Variants in TUSC3 observed in about 807,000 individuals in gnomAD.
The protein encoded by TUSC3 is tumor suppressor candidate 3.
A neutral mutation model predicts 44.8 loss-of-function variants in TUSC3; 45 were observed. That is an observed-to-expected ratio of 1.00 (90% CI 0.79 to 1.29). The LOEUF is 1.29. TUSC3 is among the 50% of genes most tolerant of loss of function. TUSC3 has a pLI of 0.00. For missense variants in TUSC3, 519 were observed against 437.9 expected, an observed-to-expected ratio of 1.19 and a Z score of -1.65; for synonymous variants, 212 against 152.9, an observed-to-expected ratio of 1.39 and a Z score of -2.85.
chr8:15,844,048 T>C, the TUSC3 span, among the ~76,000 whole-genome samples: 2 of 152,152 alleles, frequency 1.3e-5, no homozygotes, highest in African/African-American at 4.8e-5. Context: ...AATCTGTAAG[T>C]TTATGACCTT....
intron 6 of TUSC3, among the ~76,000 whole-genome samples, chr8:15,690,714 A>G (rs954755633): frequency 5.9e-5 from 9 of 152,290 alleles, no homozygotes; most frequent in African/African-American, 2.2e-4. Context: ...AGTCATCTGC[A>G]TATGGCTAGC....
intron 2 of TUSC3, among the ~76,000 whole-genome samples, chr8:15,510,187 A>G (rs963536228): frequency 1.3e-5 from 2 of 152,194 alleles, no homozygotes; most frequent in East Asian, 1.9e-4. Context: ...GCAAATCTTG[A>G]AAATGAAAAG....
chr8:15,549,668 A>G (rs910115144), intron 1 of TUSC3, among the ~76,000 whole-genome samples: 3 of 151,622 alleles, frequency 2.0e-5, no homozygotes, highest in Non-Finnish European at 4.4e-5. Flanking sequence ...GGAAGGGAGA[A>G]TGCTGATTGG....
intron 6 of TUSC3, among the ~76,000 whole-genome samples, chr8:15,686,027 G>A (rs1020320432): frequency 1.3e-5 from 2 of 151,982 alleles, no homozygotes; most frequent in Admixed American, 1.3e-4. Flanking sequence ...AATAGTGCAG[G>A]CAGTGTGATG....
intron 2 of TUSC3, among the ~76,000 whole-genome samples, chr8:15,485,969 T>C (rs1348645464): frequency 1.3e-5 from 2 of 152,066 alleles, no homozygotes; most frequent in Non-Finnish European, 2.9e-5. Flanking sequence ...TTTTTTTGTA[T>C]ATTTAGTAGA....
At chr8:15,435,133 C>G (rs549711403) in intron 1 of TUSC3, among the ~76,000 whole-genome samples, 30 of 149,638 alleles carry the variant, frequency 2.0e-4, no homozygotes, top group Non-Finnish European at 3.8e-4. Context: ...AATGGTTGAA[C>G]TAGTTTACAG....
At chr8:15,603,694 A>G (rs151291275) in intron 1 of TUSC3, among the ~76,000 whole-genome samples, 175 of 151,750 alleles carry the variant, frequency 1.2e-3, no homozygotes, top group South Asian at 6.2e-3. Context: ...GATGAACATG[A>G]ACTGTGTCTT....
At chr8:15,808,687 A>T in the TUSC3 span, among the ~76,000 whole-genome samples, 1 of 152,072 alleles carries the variant, frequency 6.6e-6, no homozygotes, top group Non-Finnish European at 1.5e-5. Context: ...GTAGCAGGCA[A>T]TTTGCCCAGT....
At chr8:15,810,439 A>G in the TUSC3 span, among the ~76,000 whole-genome samples, 1 of 151,820 alleles carries the variant, frequency 6.6e-6, no homozygotes, top group Non-Finnish European at 1.5e-5. Flanking sequence ...GGAGTTTGAG[A>G]GCAGCCTGGG....
At chr8:15,822,173 C>T in the TUSC3 span, among the ~76,000 whole-genome samples, 3 of 149,214 alleles carry the variant, frequency 2.0e-5, no homozygotes, top group African/African-American at 5.0e-5. Flanking sequence ...AAATTGAAAA[C>T]GCTACAAATA....
chr8:15,514,620 G>A (rs949833733), intron 2 of TUSC3, among the ~76,000 whole-genome samples: 1 of 152,054 alleles, frequency 6.6e-6, no homozygotes, highest in East Asian at 1.9e-4. Context: ...GTGTTGTTTT[G>A]GTTTGGCTTT....
At chr8:15,772,910 G>A in the TUSC3 span, among the ~76,000 whole-genome samples, 8 of 144,034 alleles carry the variant, frequency 5.6e-5, no homozygotes, top group African/African-American at 2.1e-4. Context: ...CTTACATAAT[G>A]ATGTAGTTGA....
At chr8:15,499,102 C>A (rs1196246400) in intron 2 of TUSC3, among the ~76,000 whole-genome samples, 1 of 152,184 alleles carries the variant, frequency 6.6e-6, no homozygotes, top group East Asian at 1.9e-4. Context: ...TCACCCACTA[C>A]TTTTCATGGT....
intron 6 of TUSC3, among the ~76,000 whole-genome samples, chr8:15,700,242 A>G (rs1218853758): frequency 1.3e-5 from 2 of 152,180 alleles, no homozygotes; most frequent in Non-Finnish European, 1.5e-5. Flanking sequence ...ACTTCAAGTC[A>G]TTTATTTAAT....
intron 1 of TUSC3, among the ~76,000 whole-genome samples, chr8:15,446,066 A>G (rs1800093285): frequency 6.7e-6 from 1 of 148,382 alleles, no homozygotes; most frequent in Non-Finnish European, 1.5e-5. Context: ...GGTGGGGCAG[A>G]GACGCTCCTC....
chr8:15,725,900 A>G (rs1316251472), intron 6 of TUSC3, among the ~76,000 whole-genome samples: 9 of 152,098 alleles, frequency 5.9e-5, no homozygotes, highest in Non-Finnish European at 1.5e-5. Context: ...TGAGGCCCAA[A>G]TTACTGAACT....
At chr8:15,788,505 C>T in the TUSC3 span, among the ~76,000 whole-genome samples, 1 of 149,852 alleles carries the variant, frequency 6.7e-6, no homozygotes, top group East Asian at 2.0e-4. Flanking sequence ...CGAGATTGTG[C>T]CACTGCACTC....
intron 1 of TUSC3, among the ~76,000 whole-genome samples, chr8:15,543,373 A>G (rs534127668): frequency 8.1e-4 from 124 of 152,276 alleles, no homozygotes; most frequent in Admixed American, 1.4e-3. Context: ...GATTTAAAGG[A>G]AGTAATATTT....
the TUSC3 span, among the ~76,000 whole-genome samples, chr8:15,817,504 C>T: frequency 0.018 from 2,719 of 152,184 alleles, 41 homozygotes; most frequent in Middle Eastern, 0.068. Flanking sequence ...GGAGGGACCT[C>T]GTGGGAGGTA....
Sources: allele counts gnomAD v4.1 joint callset (sites outside exome capture counted in the v4.1 genomes callset), GRCh38; gene constraint gnomAD v4.1.1; transcripts MANE v1.5; gene names NCBI Gene and HGNC (gene_info 2026-07-23, HGNC 2026-07-21).